The following GNAQ variants were observed in gnomAD, a reference collection of about 807,000 sequenced individuals.
GNAQ encodes the protein guanine nucleotide-binding protein G(q) subunit alpha.
A neutral mutation model predicts 43.9 loss-of-function variants in GNAQ; 8 were observed. The observed-to-expected ratio is 0.18, with a 90% confidence interval of 0.11 to 0.33. The LOEUF is 0.33. GNAQ is among the 10% of genes least tolerant of loss of function. The pLI, the probability that GNAQ is intolerant of heterozygous loss-of-function variation, is 1.00. For missense variants in GNAQ, 158 were observed against 450.8 expected, an observed-to-expected ratio of 0.35 and a Z score of 5.88; for synonymous variants, 155 against 170.7, an observed-to-expected ratio of 0.91 and a Z score of 0.71.
intron 5 of GNAQ, among the ~76,000 whole-genome samples, chr9:77,782,401 G>A (rs941573810): frequency 6.6e-6 from 1 of 152,116 alleles, no homozygotes; most frequent in Non-Finnish European, 1.5e-5. Flanking sequence ...AAGATGTTCT[G>A]TATCATAAGT....
chr9:77,957,406 T>C (rs1236271573), intron 1 of GNAQ, among the ~76,000 whole-genome samples: 1 of 151,834 alleles, frequency 6.6e-6, no homozygotes, highest in Non-Finnish European at 1.5e-5. Flanking sequence ...AAAAAACCCT[T>C]AATAATAATA....
intron 4 of GNAQ, among the ~76,000 whole-genome samples, chr9:77,794,980 A>G (rs2118446351): frequency 6.6e-6 from 1 of 152,320 alleles, no homozygotes; most frequent in South Asian, 2.1e-4. Flanking sequence ...ATAAAATCGG[A>G]AAAAAGATCC....
At chr9:77,772,731 T>C (rs1243621764) in intron 5 of GNAQ, among the ~76,000 whole-genome samples, 2 of 152,180 alleles carry the variant, frequency 1.3e-5, no homozygotes, top group African/African-American at 4.8e-5. Context: ...TTGTCTTTTT[T>C]CAACAACAAA....
chr9:77,801,757 C>T (rs749661792), intron 3 of GNAQ, among the ~76,000 whole-genome samples: 1 of 152,102 alleles, frequency 6.6e-6, no homozygotes. Flanking sequence ...AGAAAAACAA[C>T]AAAACCTCCA....
In GNAQ at chr9:77,930,439, T is replaced by C. The variant is rs375179271; in HGVS notation, c.137-8094A>G. The stretch of plus-strand genomic sequence containing the variant: ...GCTCATTTACAAATATTTCCCCAAT[T>C]TGTCATTTTATTTTCATTTGTTGAC... On this transcript the variant is annotated intron_variant, in intron 1 of 6. Transcript: ENST00000286548. Among the ~76,000 whole-genome samples, 7 of 152,332 alleles carry C rather than the reference T, an allele frequency of 4.6e-5. No individual in the cohort carries two copies. In the East Asian group the frequency reaches 1.3e-3, roughly 29 times the overall value.
chr9:77,774,320 A>G (rs772485591), intron 5 of GNAQ, among the ~76,000 whole-genome samples: 3 of 152,226 alleles, frequency 2.0e-5, no homozygotes, highest in Non-Finnish European at 4.4e-5. Flanking sequence ...AATGGATGTT[A>G]GAACTAATAC....
At chr9:77,797,976 T>A (rs1826683665) in intron 3 of GNAQ, among the ~76,000 whole-genome samples, 1 of 152,258 alleles carries the variant, frequency 6.6e-6, no homozygotes, top group Non-Finnish European at 1.5e-5. Flanking sequence ...GGTTTGGTTG[T>A]CAAAGCAGGA....
chr9:77,753,083 T>C (rs1427776080), intron 5 of GNAQ, among the ~76,000 whole-genome samples: 1 of 106,658 alleles, frequency 9.4e-6, no homozygotes, highest in Admixed American at 1.1e-4. Context: ...CAAGACTCTG[T>C]CTCAAAAAAA....
intron 1 of GNAQ, among the ~76,000 whole-genome samples, chr9:78,022,883 T>A (rs966112601): frequency 3.3e-5 from 5 of 152,204 alleles, no homozygotes; most frequent in African/African-American, 1.2e-4. Flanking sequence ...TGATTGGGTA[T>A]AACAAAAGTA....
chr9:77,716,148 G>T lies in GNAQ; in HGVS notation c.*5175C>A. 1.0e-5 allele frequency: 2 copies of T among 190,648 alleles called. No individual in the cohort carries two copies. Among genetic ancestry groups the T allele is most frequent in the Admixed American group, 6.2e-5 (1 of 16,198 alleles). 11.8% of individuals were successfully genotyped at this position (190,648 alleles called of 1,614,324 possible). On this transcript the variant is annotated 3_prime_UTR_variant, in exon 7 of 7. Transcript: ENST00000286548. ...TTGTTTATTTTGGAAAATGCAATAT[G>T]CACAAGGTGTGTTAAGGAAGGAAAG...
At chr9:77,951,141 A>G (rs1822971144) in intron 1 of GNAQ, among the ~76,000 whole-genome samples, 1 of 122,928 alleles carries the variant, frequency 8.1e-6, no homozygotes, top group Non-Finnish European at 1.6e-5. Flanking sequence ...TCTGTCACCT[A>G]GGCTGGAGTG....
In GNAQ at chr9:77,989,313, G is replaced by C. The variant is rs1823480440; in HGVS notation, c.136+41787C>G. On this transcript the variant is annotated intron_variant, in intron 1 of 6. Transcript: ENST00000286548. ...GCCAGCAAAGGCCCAAATCAGTTAG[G>C]GCACCCATCCCCTCATGTGCATCAA... Among the ~76,000 whole-genome samples, 3 of 152,084 alleles carry C rather than the reference G, an allele frequency of 2.0e-5. No homozygotes were observed. In the South Asian group the frequency reaches 6.2e-4, roughly 32 times the overall value.
intron 1 of GNAQ, among the ~76,000 whole-genome samples, chr9:77,951,577 A>C (rs1415440529): frequency 6.6e-6 from 1 of 152,168 alleles, no homozygotes; most frequent in Non-Finnish European, 1.5e-5. Context: ...GTACCTAAAA[A>C]TGTAATCATA....
At chr9:77,893,866 A>C (rs1828444715) in intron 2 of GNAQ, among the ~76,000 whole-genome samples, 1 of 152,134 alleles carries the variant, frequency 6.6e-6, no homozygotes, top group Non-Finnish European at 1.5e-5. Flanking sequence ...CTCAGCATCC[A>C]TTAGAGGTGA....
In GNAQ at chr9:78,031,801, C is replaced by T. The variant is rs936597933; in HGVS notation, c.-566G>A. Among the ~76,000 whole-genome samples, 1 of 149,180 alleles carries T rather than the reference C, an allele frequency of 6.7e-6. No individual in the cohort carries two copies. Among genetic ancestry groups the T allele is most frequent in the African/African-American group, 2.4e-5 (1 of 41,036 alleles). ...TCGCGCGCAGACCCGGTTCCCGTCC[C>T]GCCCGGCAACCGCGCGCTCCTCCGC... On this transcript the variant is annotated 5_prime_UTR_variant, in exon 1 of 7. Transcript: ENST00000286548.
Position 77,889,410 on chromosome 9 carries a change from C to CAAAAAA in GNAQ, c.321+32745_321+32750dup, listed in dbSNP as rs58496646. ...TGGGCGACAAAGCCAGACCCTGTCT[C>CAAAAAA]AAAAAAAAAAAAAAAAAAAAAAAAA... On this transcript the variant is annotated intron_variant, in intron 2 of 6. Coordinates refer to ENST00000286548, the MANE Select transcript of GNAQ (RefSeq NM_002072.5). Among the ~76,000 whole-genome samples the CAAAAAA allele has an allele frequency of 9.8e-4, 47 of 48,062 alleles. 3 individuals are homozygous for CAAAAAA. Among genetic ancestry groups the CAAAAAA allele is most frequent in the East Asian group, 2.2e-3 (2 of 898 alleles). The allele number at this position is 48,062 out of a possible 152,430, so 31.5% of individuals were successfully genotyped here.
At chr9:77,990,656 T>C (rs910197522) in intron 1 of GNAQ, among the ~76,000 whole-genome samples, 15 of 152,256 alleles carry the variant, frequency 9.9e-5, no homozygotes, top group Non-Finnish European at 1.6e-4. Flanking sequence ...TACATGTATA[T>C]ATACAAGCAC....
At chr9:77,850,308 T>G (rs751792230) in intron 2 of GNAQ, among the ~76,000 whole-genome samples, 2 of 152,178 alleles carry the variant, frequency 1.3e-5, no homozygotes, top group Non-Finnish European at 2.9e-5. Flanking sequence ...CCTGGTCTCC[T>G]GCATCCACCA....
At chr9:77,867,160 C>A (rs1381454426) in intron 2 of GNAQ, among the ~76,000 whole-genome samples, 1 of 152,304 alleles carries the variant, frequency 6.6e-6, no homozygotes, top group African/African-American at 2.4e-5. Context: ...AGCTACAATG[C>A]CCCTGGCCCC....
Sources: allele counts gnomAD v4.1 joint callset (sites outside exome capture counted in the v4.1 genomes callset), GRCh38; gene constraint gnomAD v4.1.1; transcripts MANE v1.5; gene names NCBI Gene and HGNC (gene_info 2026-07-23, HGNC 2026-07-21).